Variants in CELF1 observed in about 807,000 individuals in gnomAD.
The protein encoded by CELF1 is CUGBP Elav-like family member 1.
Under a neutral mutation model 61.8 loss-of-function variants are expected in CELF1, and 10 were observed. The observed-to-expected ratio is 0.16, with a 90% CI of 0.10 to 0.27. The LOEUF (loss-of-function observed/expected upper bound fraction) is 0.27, where lower values mean the gene tolerates loss of function less well. Ranked by LOEUF, CELF1 falls within the 10% of genes least tolerant of loss-of-function variation. The pLI, the probability that CELF1 is intolerant of heterozygous loss-of-function variation, is 1.00. For synonymous variants in CELF1, 236 were observed against 225.1 expected (o/e 1.05, Z -0.43); for missense variants, 380 against 639.1 (o/e 0.59, Z 4.37).
chr11:47,502,520 ATGTGTGTGTGTG>A (rs538599914), intron 1 of CELF1, among the ~76,000 whole-genome samples: 1 of 151,420 alleles, frequency 6.6e-6, no homozygotes, highest in East Asian at 1.9e-4. Context: ...GTGTGTGTGT[ATGTGTGTGTGTG>A]TGTTTAATGT....
chr11:47,562,226 CAAAA>C (rs745795043), intron 2 of CELF1, among the ~76,000 whole-genome samples: 12 of 81,660 alleles, frequency 1.5e-4, no homozygotes, highest in African/African-American at 5.1e-4. Context: ...AACTCCATCT[CAAAA>C]AAAAAAAAAA....
intron 2 of CELF1, among the ~76,000 whole-genome samples, chr11:47,560,789 G>A (rs1598752636): frequency 6.6e-6 from 1 of 152,122 alleles, no homozygotes; most frequent in Non-Finnish European, 1.5e-5. Context: ...TGGGCATAAT[G>A]GACTCTCAGT....
At chr11:47,516,538 T>C (rs1177134062) in intron 1 of CELF1, among the ~76,000 whole-genome samples, 4 of 152,116 alleles carry the variant, frequency 2.6e-5, no homozygotes. Context: ...AGCAACTCTT[T>C]AGGGTAATTG....
intron 1 of CELF1, among the ~76,000 whole-genome samples, chr11:47,517,409 C>T (rs747198229): frequency 3.7e-4 from 57 of 152,118 alleles, no homozygotes; most frequent in South Asian, 8.3e-4. Flanking sequence ...AACCTGAAAA[C>T]ATATGCCCAT....
chr11:47,541,716 A>G, intron 1 of CELF1, among the ~76,000 whole-genome samples: 1 of 5,422 alleles, frequency 1.8e-4, no homozygotes, highest in African/African-American at 4.3e-4. Context: ...GAAAGAAAGA[A>G]AGAAAGAAAG....
At chr11:47,515,394 T>C (rs1003715844) in intron 1 of CELF1, among the ~76,000 whole-genome samples, 1 of 152,180 alleles carries the variant, frequency 6.6e-6, no homozygotes, top group East Asian at 1.9e-4. Context: ...ATAATATTCA[T>C]GATCACTTGC....
Position 47,470,654 on chromosome 11 carries a change from T to C in CELF1, c.*1576A>G, listed in dbSNP as rs2077483517. On this transcript the variant is annotated 3_prime_UTR_variant, in exon 15 of 15. Transcript: ENST00000687097. ...TGACTTAATAGCAAACCAACCCCTT[T>C]ATTCTTATCTCTGCTGCTAGGGGTC... is the stretch of plus-strand genomic sequence containing the variant. 6.6e-6 allele frequency: 1 copy of C among 152,210 alleles called. No individual in the cohort carries two copies. The highest frequency in any genetic ancestry group is 1.5e-5 in the Non-Finnish European group (1 of 68,056). 9.4% of individuals were successfully genotyped at this position (152,210 alleles called of 1,614,324 possible).
rs758101991 is a variant in CELF1 at position 47,477,368 on chromosome 11, G to C, written c.902C>G (p.Ala301Gly). The C allele has an allele frequency of 6.2e-7, 1 of 1,613,444 alleles. No individual in the cohort carries two copies. The highest frequency in any genetic ancestry group is 2.2e-5 in the East Asian group (1 of 44,872). The stretch of plus-strand genomic sequence containing the variant: ...ATTGGTACCACTTGGTGTGTTCTGA[G>C]CTGCACTAGCTGCAGCAGCTAGTGC... Reference protein sequence around the residue: ...LAALAAAASAAQNTPSGTNAL... With the variant: ...LAALAAAASAGQNTPSGTNAL... The change falls in exon 11 of 15, where the codon GCT (alanine) becomes GGT (glycine). Residue 301 changes from alanine (A) to glycine (G), a missense_variant. Transcript: ENST00000687097.
intron 1 of CELF1, among the ~76,000 whole-genome samples, chr11:47,526,903 T>C (rs1219501645): frequency 6.6e-6 from 1 of 151,896 alleles, no homozygotes; most frequent in Admixed American, 6.6e-5. Context: ...ATACAAAAAT[T>C]AGCTGGGCGT....
At chr11:47,481,621 TG>T (rs2083308268) in intron 9 of CELF1, among the ~76,000 whole-genome samples, 2 of 152,190 alleles carry the variant, frequency 1.3e-5, no homozygotes, top group South Asian at 4.1e-4. Context: ...ACAAATCTAG[TG>T]GTTTCACCAT....
At chr11:47,475,252 C>T (rs1344116849) in intron 13 of CELF1, 84 bp downstream of exon 13, 13 of 1,316,322 alleles carry the variant, frequency 9.9e-6, no homozygotes, top group Non-Finnish European at 1.4e-5. Flanking sequence ...TAACTGGTTC[C>T]CTCAGCCTTT....
intron 1 of CELF1, among the ~76,000 whole-genome samples, chr11:47,532,649 A>C (rs1486955472): frequency 2.6e-5 from 4 of 152,184 alleles, no homozygotes; most frequent in Admixed American, 2.6e-4. Flanking sequence ...TCCTGCTTCT[A>C]TCTCTATGTG....
chr11:47,551,316 G>A (rs531178026), intron 1 of CELF1, among the ~76,000 whole-genome samples: 98 of 152,270 alleles, frequency 6.4e-4, no homozygotes, highest in Non-Finnish European at 6.6e-4. Flanking sequence ...CATGAGGAAA[G>A]AACCACTAGG....
intron 6 of CELF1, among the ~76,000 whole-genome samples, chr11:47,485,861 C>G (rs1389721003): frequency 6.8e-6 from 1 of 146,712 alleles, no homozygotes; most frequent in Non-Finnish European, 1.5e-5. Flanking sequence ...CTGGTCCTGA[C>G]TATCTTCTTG....
chr11:47,527,036 A>C (rs1364256916), intron 1 of CELF1, among the ~76,000 whole-genome samples: 1 of 146,774 alleles, frequency 6.8e-6, no homozygotes, highest in Non-Finnish European at 1.5e-5. Flanking sequence ...GGGCGACAAG[A>C]GCAAAACTCC....
intron 1 of CELF1, among the ~76,000 whole-genome samples, chr11:47,501,501 T>C (rs1033052423): frequency 6.6e-6 from 1 of 152,142 alleles, no homozygotes; most frequent in African/African-American, 2.4e-5. Flanking sequence ...TAAAAAGACA[T>C]TCCAGGCTTT....
At position 47,477,339 on chromosome 11, in the gene CELF1, G is replaced by C; in HGVS notation, c.931C>G (p.Leu311Val). The C allele has an allele frequency of 6.2e-7, 1 of 1,614,038 alleles. No individual in the cohort carries two copies. Among genetic ancestry groups the C allele is most frequent in the South Asian group, 1.1e-5 (1 of 91,068 alleles). Residue 311 changes from leucine (L) to valine (V), a missense_variant, in exon 11 of 15, where the codon CTC becomes GTC. Transcript: ENST00000687097. Reference sequence around the variant, plus strand: ...CTGAGGGGACTGCTGGATGTAGTGAGAGCATTGGTACCACTTGGTGTGTTC... The same window carrying C: ...CTGAGGGGACTGCTGGATGTAGTGACAGCATTGGTACCACTTGGTGTGTTC... ...AQNTPSGTNALTTSSSPLSVL... is the reference protein window; with the variant it reads ...AQNTPSGTNAVTTSSSPLSVL...
chr11:47,555,951 G>A (rs1269015827), upstream of CELF1, among the ~76,000 whole-genome samples: 1 of 141,134 alleles, frequency 7.1e-6, no homozygotes, highest in Non-Finnish European at 1.5e-5. Context: ...AGTGAGTCGA[G>A]ATCGAACCAC....
chr11:47,560,559 C>T (rs1208206071), intron 2 of CELF1, among the ~76,000 whole-genome samples: 1 of 151,936 alleles, frequency 6.6e-6, no homozygotes, highest in African/African-American at 2.4e-5. Context: ...AAAGTCGATT[C>T]GTGGTTGTCA....
Sources: allele counts gnomAD v4.1 joint callset (sites outside exome capture counted in the v4.1 genomes callset), GRCh38; gene constraint gnomAD v4.1.1; transcripts MANE v1.5; gene names NCBI Gene and HGNC (gene_info 2026-07-23, HGNC 2026-07-21).